Variants in CD38 observed in about 807,000 individuals in gnomAD.
CD38 encodes CD38 molecule.
Under a neutral mutation model 36.3 loss-of-function variants are expected in CD38, and 31 were observed. That is an observed-to-expected ratio of 0.85 (90% CI 0.64 to 1.15). The LOEUF is 1.15. CD38 is among the 50% of genes most tolerant of loss of function. The pLI, the probability that CD38 is intolerant of heterozygous loss-of-function variation, is 0.00. For synonymous variants in CD38, 131 were observed against 135.2 expected, an observed-to-expected ratio of 0.97 and a Z score of 0.22; for missense variants, 380 against 371.9, an observed-to-expected ratio of 1.02 and a Z score of -0.18.
At chr4:15,835,313 T>C (rs1438692184) in intron 4 of CD38, among the ~76,000 whole-genome samples, 6 of 151,458 alleles carry the variant, frequency 4.0e-5, no homozygotes, top group Non-Finnish European at 8.8e-5. Context: ...TTACTTCACT[T>C]AACATAATGC....
In CD38 at chr4:15,807,550, G is replaced by T. The variant is rs528022035; in HGVS notation, c.234-8961G>T. ...GGGCCAGGCCAGCTCCTGAGTGTCAGGGGGGGCTGCACTGCTTTGTCATTA... is the reference window on the plus strand; with the variant it reads ...GGGCCAGGCCAGCTCCTGAGTGTCATGGGGGGCTGCACTGCTTTGTCATTA... On this transcript the variant is annotated intron_variant, in intron 1 of 7. Transcript: ENST00000226279. Among the ~76,000 whole-genome samples, 35 of 152,210 alleles carry T rather than the reference G, an allele frequency of 2.3e-4. No homozygotes were observed. In the South Asian group the frequency reaches 5.2e-3, roughly 23 times the overall value.
intron 1 of CD38, among the ~76,000 whole-genome samples, chr4:15,807,079 C>G (rs1220584780): frequency 6.6e-6 from 1 of 152,150 alleles, no homozygotes; most frequent in African/African-American, 2.4e-5. Context: ...GTTTGTTGCT[C>G]TCTGCAAGAA....
intron 7 of CD38, 76 bp from the exon 8 acceptor site, chr4:15,848,463 G>GCT: frequency 9.5e-7 from 1 of 1,056,392 alleles, no homozygotes; most frequent in South Asian, 1.3e-5. Flanking sequence ...TAAAAAAGGG[G>GCT]CTTCCTCCAT....
chr4:15,818,453 C>T (rs1462509796), intron 2 of CD38, among the ~76,000 whole-genome samples: 1 of 152,218 alleles, frequency 6.6e-6, no homozygotes, highest in African/African-American at 2.4e-5. Flanking sequence ...CTGAAGACAG[C>T]AGCTGATCCT....
At chr4:15,789,334 G>A (rs1357894259) in intron 1 of CD38, among the ~76,000 whole-genome samples, 1 of 152,140 alleles carries the variant, frequency 6.6e-6, no homozygotes, top group African/African-American at 2.4e-5. Context: ...ATGGCAGATG[G>A]TGGAAAGTAT....
chr4:15,785,993 GTCTGGAGTTGTTCGTTCCTCCCA>G lies in CD38; in HGVS notation c.233+7368_233+7390del, dbSNP rs565118915. ...AGTGTTACAGCTCTTAAGGCAGCGC[GTCTGGAGTTGTTCGTTCCTCCCA>G]TCTGGAGTTGTTCGTTCCTCCTGGT... On this transcript the variant is annotated intron_variant, in intron 1 of 7. Transcript: ENST00000226279. Among the ~76,000 whole-genome samples, 581 of 152,206 alleles carry G rather than the reference GTCTGGAGTTGTTCGTTCCTCCCA, an allele frequency of 3.8e-3. 3 individuals are homozygous for G. Among genetic ancestry groups the G allele is most frequent in the South Asian group, 0.018 (88 of 4,814 alleles).
At chr4:15,795,151 A>G (rs1278329715) in intron 1 of CD38, among the ~76,000 whole-genome samples, 3 of 152,162 alleles carry the variant, frequency 2.0e-5, no homozygotes, top group Non-Finnish European at 1.5e-5. Flanking sequence ...GGTGGTGGGA[A>G]AAAATGGATG....
At chr4:15,829,389 T>C (rs1476404930) in intron 3 of CD38, among the ~76,000 whole-genome samples, 1 of 152,208 alleles carries the variant, frequency 6.6e-6, no homozygotes, top group Non-Finnish European at 1.5e-5. Context: ...ATTCTTTTAG[T>C]TATTTTAAAA....
intron 1 of CD38, among the ~76,000 whole-genome samples, chr4:15,789,631 C>T (rs898994386): frequency 6.6e-6 from 1 of 152,092 alleles, no homozygotes; most frequent in African/African-American, 2.4e-5. Context: ...GTGACTGGGT[C>T]ATGAGAGATC....
chr4:15,787,665 T>C (rs77197599), intron 1 of CD38, among the ~76,000 whole-genome samples: 6,590 of 152,294 alleles, frequency 0.043, 181 homozygotes, highest in Non-Finnish European at 0.065. Context: ...TGCCAGGACG[T>C]GTTCCTTGTG....
At chr4:15,809,655 G>C (rs1213086753) in intron 1 of CD38, among the ~76,000 whole-genome samples, 1 of 152,118 alleles carries the variant, frequency 6.6e-6, no homozygotes, top group African/African-American at 2.4e-5. Context: ...CAAATCACCG[G>C]CACAGAATGA....
In CD38 at chr4:15,778,575, G is replaced by A; in HGVS notation, c.161G>A (p.Gly54Asp). 6.2e-7 allele frequency: 1 copy of A among 1,613,520 alleles called. No individual in the cohort carries two copies. The highest frequency in any genetic ancestry group is 8.5e-7 in the Non-Finnish European group (1 of 1,179,990). Residue 54 changes from glycine (G) to aspartate (D), a missense_variant, in exon 1 of 8, where the codon GGC becomes GAC. Gly to Asp is a moderately conservative substitution (Grantham distance 94). Transcript: ENST00000226279. This position sits in a 1 kb window ranked among gnomAD's most constrained non-coding sequence, Gnocchi z 4.9. The stretch of plus-strand genomic sequence containing the variant: ...TGGCGCCAGCAGTGGAGCGGTCCGG[G>A]CACCACCAAGCGCTTTCCCGAGACC... ...PRWRQQWSGP[G>D]TTKRFPETVL...
Position 15,848,656 on chromosome 4 carries a change from T to C in CD38, c.*54T>C, listed in dbSNP as rs80143490. The C allele has an allele frequency of 4.9e-6, 7 of 1,442,040 alleles. No homozygotes were observed. The highest frequency in any genetic ancestry group is 1.4e-5 in the African/African-American group (1 of 71,412). The allele number at this position is 1,442,040 out of a possible 1,614,324, so 89.3% of individuals were successfully genotyped here. On this transcript the variant is annotated 3_prime_UTR_variant, in exon 8 of 8. Coordinates refer to ENST00000226279, the MANE Select transcript of CD38 (RefSeq NM_001775.4). ...TGACTCCTTGTGGTTTATGTCATCA[T>C]ACATGACTCAGCATACCTGCTGGTG... is the stretch of plus-strand genomic sequence containing the variant.
rs925768866 is a variant in CD38 at position 15,850,671 on chromosome 4, A to G, written c.*2069A>G. On this transcript the variant is annotated 3_prime_UTR_variant, in exon 8 of 8. Coordinates refer to ENST00000226279, the MANE Select transcript of CD38 (RefSeq NM_001775.4). ...CACAGGAGCCTTTGTAGCTGTAGCC[A>G]CCATGGTCAGTCCAGGGATTCTTCA... is the stretch of plus-strand genomic sequence containing the variant. 1.3e-5 allele frequency: 2 copies of G among 152,206 alleles called. No homozygotes were observed. The highest frequency in any genetic ancestry group is 6.6e-5 in the Admixed American group (1 of 15,262). The allele number at this position is 152,206 out of a possible 1,614,324, so 9.4% of individuals were successfully genotyped here.
intron 1 of CD38, among the ~76,000 whole-genome samples, chr4:15,785,550 T>A (rs900269053): frequency 7.2e-5 from 11 of 152,188 alleles, no homozygotes; most frequent in South Asian, 2.1e-4. Flanking sequence ...TTTTTTTTTT[T>A]ATCACAATAA....
chr4:15,829,604 A>G (rs1374551812), intron 3 of CD38, among the ~76,000 whole-genome samples: 3 of 152,180 alleles, frequency 2.0e-5, no homozygotes, highest in Admixed American at 6.6e-5. Flanking sequence ...CCCATGGGCC[A>G]TGGGTTGGAC....
rs374427294 is a variant in CD38, at chr4:15,817,968, G to A, written c.363+1328G>A. On this transcript the variant is annotated intron_variant, in intron 2 of 7. Coordinates refer to ENST00000226279, the MANE Select transcript of CD38 (RefSeq NM_001775.4). ...CAAGCTAGGTGCAGGAGTTTTTTTC[G>A]TACCCCAGTGGCGCCTGAAACCCCA... 4.6e-5 allele frequency among the ~76,000 whole-genome samples: 7 copies of A among 152,128 alleles called. No homozygotes were observed. In the East Asian group the frequency reaches 5.8e-4, roughly 13 times the overall value.
intron 4 of CD38, among the ~76,000 whole-genome samples, chr4:15,837,319 CT>C (rs1220129334): frequency 2.6e-5 from 4 of 152,026 alleles, no homozygotes; most frequent in African/African-American, 9.7e-5. Context: ...TTGTCCCTTT[CT>C]TTTTCTGATA....
chr4:15,845,889 A>G (rs1312218932), intron 7 of CD38, among the ~76,000 whole-genome samples: 7 of 98,884 alleles, frequency 7.1e-5, no homozygotes, highest in Admixed American at 5.6e-4. Context: ...GAGAACTACA[A>G]ACCACTGCTC....
Sources: gnomAD v4.1 joint callset for allele counts (sites outside exome capture counted in the v4.1 genomes callset) on GRCh38, gnomAD v4.1.1 for gene constraint, Gnocchi (gnomAD v3.1) non-coding constraint, MANE v1.5 for transcripts, NCBI Gene and HGNC (gene_info 2026-07-23, HGNC 2026-07-21) for gene names.